CEP112: variants seen among roughly 807,000 people sequenced by gnomAD.
CEP112 encodes the protein centrosomal protein 112, also known as centrosomal protein of 112 kDa.
In CEP112, 127 loss-of-function variants were observed where a neutral mutation model predicts 153.0. The ratio of observed to expected loss-of-function variants is 0.83; its 90% confidence interval spans 0.72 to 0.96. The LOEUF (loss-of-function observed/expected upper bound fraction) is 0.96, where lower values mean the gene tolerates loss of function less well. Among genes scored for constraint, CEP112 ranks in the 40% least tolerant of loss-of-function variants. The pLI is 0.00. For missense variants in CEP112, 1,089 were observed against 1,101.2 expected, an observed-to-expected ratio of 0.99 and a Z score of 0.16; for synonymous variants, 358 against 374.4, an observed-to-expected ratio of 0.96 and a Z score of 0.51.
intron 17 of CEP112, among the ~76,000 whole-genome samples, chr17:65,989,234 C>CAAA (rs749855250): frequency 1.4e-3 from 58 of 40,786 alleles, no homozygotes; most frequent in Non-Finnish European, 2.7e-3. Flanking sequence ...GACTCCATCT[C>CAAA]AAAAAAAAAA....
At chr17:65,965,139 TG>T (rs1344990118) in intron 17 of CEP112, among the ~76,000 whole-genome samples, 4 of 152,344 alleles carry the variant, frequency 2.6e-5, no homozygotes, top group Non-Finnish European at 5.9e-5. Context: ...CCCTATAACA[TG>T]TCATTCTTAC....
chr17:66,024,753 C>A (rs139715618), intron 16 of CEP112, among the ~76,000 whole-genome samples: 2 of 151,988 alleles, frequency 1.3e-5, no homozygotes, highest in Non-Finnish European at 2.9e-5. Context: ...GCAATCCCTA[C>A]CAAAATACCA....
rs111432314 is a variant in CEP112, at chr17:65,969,136, C to T, written c.1737-7538G>A. 8.8e-3 allele frequency among the ~76,000 whole-genome samples: 1,281 copies of T among 146,176 alleles called. 21 individuals are homozygous for T. Among genetic ancestry groups the T allele is most frequent in the African/African-American group, 0.031 (1,214 of 39,432 alleles). On this transcript the variant is annotated intron_variant, in intron 17 of 26. Coordinates refer to ENST00000535342, the MANE Select transcript of CEP112 (RefSeq NM_001199165.4). Reference sequence around the variant, plus strand: ...TTGATCTGTCACCCCAGCTAGAGTGCAGTGGTGCGATCTCGGCTAACTACA... The same window carrying T: ...TTGATCTGTCACCCCAGCTAGAGTGTAGTGGTGCGATCTCGGCTAACTACA...
intron 8 of CEP112, among the ~76,000 whole-genome samples, chr17:66,077,606 G>A (rs2067551513): frequency 6.6e-6 from 1 of 152,232 alleles, no homozygotes; most frequent in African/African-American, 2.4e-5. Context: ...TCCTGAGGAA[G>A]AAGAGAAATC....
At chr17:65,661,424 T>A (rs2046380642) in intron 24 of CEP112, among the ~76,000 whole-genome samples, 1 of 152,244 alleles carries the variant, frequency 6.6e-6, no homozygotes, top group Admixed American at 6.5e-5. Flanking sequence ...TATATGGTAC[T>A]TTCATGGCTG....
chr17:65,869,301 G>A (rs1041655083), intron 20 of CEP112, among the ~76,000 whole-genome samples: 30 of 152,222 alleles, frequency 2.0e-4, no homozygotes, highest in African/African-American at 6.3e-4. Context: ...GGAAGTGCAT[G>A]TGTGTTTTTC....
chr17:65,939,409 G>A (rs1188502107), intron 18 of CEP112, among the ~76,000 whole-genome samples: 1 of 152,070 alleles, frequency 6.6e-6, no homozygotes, highest in African/African-American at 2.4e-5. Flanking sequence ...TGGAATCATA[G>A]AAGACTCCAA....
intron 24 of CEP112, among the ~76,000 whole-genome samples, chr17:65,676,696 GT>G (rs2047251538): frequency 6.6e-6 from 1 of 152,204 alleles, no homozygotes; most frequent in Admixed American, 6.5e-5. Flanking sequence ...AGAGTTTACA[GT>G]AAGAGTTCAC....
Position 65,691,407 on chromosome 17 carries a change from C to G in CEP112, c.2608-2189G>C, listed in dbSNP as rs559209057. On this transcript the variant is annotated intron_variant, in intron 23 of 26. Transcript: ENST00000535342. ...TAGTTACTCCCTAGAAAGAGAAAAACCATAGTTTTATGATTTTGCCTCTCA... is the reference window on the plus strand; with the variant it reads ...TAGTTACTCCCTAGAAAGAGAAAAAGCATAGTTTTATGATTTTGCCTCTCA... Among the ~76,000 whole-genome samples the G allele has an allele frequency of 8.5e-5, 13 of 152,238 alleles. No individual in the cohort carries two copies. In the East Asian group the frequency reaches 2.1e-3, roughly 25 times the overall value.
chr17:65,758,173 T>C (rs960122470), intron 21 of CEP112, among the ~76,000 whole-genome samples: 5 of 152,136 alleles, frequency 3.3e-5, no homozygotes, highest in African/African-American at 1.2e-4. Context: ...TTCTGCAAAG[T>C]AGTAGTAGAA....
intron 12 of CEP112, among the ~76,000 whole-genome samples, chr17:66,044,356 T>C (rs1010524930): frequency 6.6e-6 from 1 of 152,108 alleles, no homozygotes; most frequent in South Asian, 2.1e-4. Flanking sequence ...AATGAAAATG[T>C]ATTTTAGATT....
chr17:65,807,150 A>G lies in CEP112; in HGVS notation c.2394+44654T>C, dbSNP rs1333716765. ...AAGTCATTCTTGCTATGCTTTAGCAAAGAGACAGGCTGCATTTTGCCCCTG... is the reference window on the plus strand; with the variant it reads ...AAGTCATTCTTGCTATGCTTTAGCAGAGAGACAGGCTGCATTTTGCCCCTG... On this transcript the variant is annotated intron_variant, in intron 21 of 26. Coordinates refer to ENST00000535342, the MANE Select transcript of CEP112 (RefSeq NM_001199165.4). Among the ~76,000 whole-genome samples, 4 of 152,198 alleles carry G rather than the reference A, an allele frequency of 2.6e-5. No individual in the cohort carries two copies. In the East Asian group the frequency reaches 7.7e-4, roughly 29 times the overall value.
intron 12 of CEP112, among the ~76,000 whole-genome samples, chr17:66,042,224 C>G (rs568240531): frequency 6.6e-6 from 1 of 152,210 alleles, no homozygotes; most frequent in African/African-American, 2.4e-5. Context: ...GTGGCACACA[C>G]CTGTAATCCT....
intron 12 of CEP112, among the ~76,000 whole-genome samples, chr17:66,037,436 G>T (rs189145611): frequency 2.0e-5 from 3 of 151,686 alleles, no homozygotes; most frequent in African/African-American, 7.3e-5. Flanking sequence ...ATGTCACTGC[G>T]GTATTATGAC....
At chr17:65,704,764 G>A (rs540898372) in intron 23 of CEP112, among the ~76,000 whole-genome samples, 3 of 152,198 alleles carry the variant, frequency 2.0e-5, no homozygotes, top group African/African-American at 4.8e-5. Context: ...AATCATTCAC[G>A]CCAGATAAAA....
intron 8 of CEP112, among the ~76,000 whole-genome samples, chr17:66,094,412 T>G (rs964054224): frequency 6.6e-6 from 1 of 152,014 alleles, no homozygotes; most frequent in African/African-American, 2.4e-5. Context: ...GGAAAGACAG[T>G]GTCTTCAATA....
At chr17:66,113,569 A>AGTT (rs1598377923) in intron 6 of CEP112, among the ~76,000 whole-genome samples, 1 of 152,202 alleles carries the variant, frequency 6.6e-6, no homozygotes, top group Non-Finnish European at 1.5e-5. Flanking sequence ...GCAGCATTTC[A>AGTT]ACTATGCAGA....
intron 20 of CEP112, among the ~76,000 whole-genome samples, chr17:65,888,975 A>T (rs539314657): frequency 7.0e-4 from 106 of 152,226 alleles, no homozygotes; most frequent in African/African-American, 2.5e-3. Flanking sequence ...TTTGTGCTTC[A>T]TTGGGTGATC....
chr17:65,808,266 C>T (rs2055733471), intron 21 of CEP112, among the ~76,000 whole-genome samples: 1 of 152,150 alleles, frequency 6.6e-6, no homozygotes, highest in South Asian at 2.1e-4. Flanking sequence ...GCTTGTACTC[C>T]CATTGTATCT....
Sources: allele counts gnomAD v4.1 joint callset (sites outside exome capture counted in the v4.1 genomes callset), GRCh38; gene constraint gnomAD v4.1.1; transcripts MANE v1.5; gene names NCBI Gene and HGNC (gene_info 2026-07-23, HGNC 2026-07-21).